Variants in TNRC6B observed in about 807,000 individuals in gnomAD.
TNRC6B encodes the protein trinucleotide repeat containing adaptor 6B.
In TNRC6B, 52 loss-of-function variants were observed where a neutral mutation model predicts 203.6. That is an observed-to-expected ratio of 0.26 (90% CI 0.20 to 0.32). The LOEUF is 0.32. Ranked by LOEUF, TNRC6B falls within the 10% of genes least tolerant of loss-of-function variation. TNRC6B has a pLI of 1.00. For synonymous variants in TNRC6B, 838 were observed against 845.7 expected (o/e 0.99, Z 0.16); for missense variants, 1,923 against 2,286.2 (o/e 0.84, Z 3.24).
At chr22:40,117,523 C>T (rs1174897746) in intron 2 of TNRC6B, among the ~76,000 whole-genome samples, 1 of 152,182 alleles carries the variant, frequency 6.6e-6, no homozygotes, top group Non-Finnish European at 1.5e-5. Context: ...CTCATGGCAT[C>T]CAGTTGCTGC....
At chr22:40,245,869 C>T in intron 1 of TNRC6B, 146 bp from the exon 2 acceptor site, 1 of 452,836 alleles carries the variant, frequency 2.2e-6, no homozygotes, top group Non-Finnish European at 3.9e-6. Context: ...TTTTATGGAT[C>T]CTTTTGATTT....
intron 2 of TNRC6B, among the ~76,000 whole-genome samples, chr22:40,123,586 G>T (rs959098337): frequency 3.3e-5 from 5 of 152,210 alleles, no homozygotes; most frequent in African/African-American, 9.6e-5. Flanking sequence ...GTCCCCTGGG[G>T]CACACAGTTA....
At chr22:40,248,361 A>G (rs569827823) in intron 2 of TNRC6B, among the ~76,000 whole-genome samples, 2 of 152,324 alleles carry the variant, frequency 1.3e-5, no homozygotes, top group East Asian at 3.8e-4. Flanking sequence ...CAAAAATCGG[A>G]TTTTGCAGTC....
At chr22:40,298,185 T>C (rs1162523778) in intron 12 of TNRC6B, among the ~76,000 whole-genome samples, 4 of 151,042 alleles carry the variant, frequency 2.6e-5, no homozygotes, top group Non-Finnish European at 5.9e-5. Flanking sequence ...CCCAGCTACA[T>C]GGGTTAAATA....
At position 40,322,963 on chromosome 22, in the gene TNRC6B, C is replaced by T. The variant is rs1201962510; in HGVS notation, c.5224C>T (p.Pro1742Ser). Reference protein sequence around the residue: ...PPTPAATPSAPAAGWQSLETG... With the variant: ...PPTPAATPSASAAGWQSLETG... The stretch of plus-strand genomic sequence containing the variant: ...TACACCTGCAGCAACCCCAAGTGCG[C>T]CAGCTGCGGGGTGGCAGTCGCTGGA... Residue 1742 changes from proline (P) to serine (S), a missense_variant, in exon 23 of 23, where the codon CCA becomes TCA. Coordinates refer to ENST00000454349, the MANE Select transcript of TNRC6B (RefSeq NM_001162501.2). The T allele has an allele frequency of 1.9e-6, 3 of 1,612,862 alleles. No homozygotes were observed. Among genetic ancestry groups the T allele is most frequent in the Admixed American group, 1.7e-5 (1 of 59,762 alleles).
At chr22:40,128,901 C>T (rs879478927) in intron 3 of TNRC6B, among the ~76,000 whole-genome samples, 7 of 151,920 alleles carry the variant, frequency 4.6e-5, no homozygotes, top group African/African-American at 1.5e-4. Flanking sequence ...ACTCTCAAGG[C>T]GGTTTCATTT....
intron 1 of TNRC6B, among the ~76,000 whole-genome samples, chr22:40,091,234 C>T (rs2068148503): frequency 6.6e-6 from 1 of 152,078 alleles, no homozygotes. Context: ...CCGCCCGCCT[C>T]AGCCTCCCAA....
At chr22:40,054,383 T>A (rs2146265523) in intron 1 of TNRC6B, among the ~76,000 whole-genome samples, 1 of 152,206 alleles carries the variant, frequency 6.6e-6, no homozygotes, top group Middle Eastern at 3.4e-3. Flanking sequence ...CCTCTTCAAG[T>A]TCCGGAAATG....
At chr22:40,187,719 T>C (rs1802042064) in intron 1 of TNRC6B, among the ~76,000 whole-genome samples, 1 of 152,182 alleles carries the variant, frequency 6.6e-6, no homozygotes, top group Non-Finnish European at 1.5e-5. Context: ...ACTTTTCTTA[T>C]CTCACTTTTC....
chr22:40,156,622 C>T (rs2068820554), intron 4 of TNRC6B, among the ~76,000 whole-genome samples: 2 of 152,102 alleles, frequency 1.3e-5, no homozygotes, highest in South Asian at 4.1e-4. Flanking sequence ...GTTATTTACA[C>T]TGCTGATCTT....
upstream of TNRC6B, among the ~76,000 whole-genome samples, chr22:40,173,793 A>ATTTTT (rs1160322782): frequency 4.6e-5 from 3 of 64,862 alleles, no homozygotes; most frequent in Admixed American, 2.6e-4. Context: ...ATATATATAT[A>ATTTTT]TTTTTTTTTT....
At chr22:40,245,221 G>T (rs1292701598) in intron 1 of TNRC6B, among the ~76,000 whole-genome samples, 2 of 151,980 alleles carry the variant, frequency 1.3e-5, no homozygotes, top group African/African-American at 2.4e-5. Flanking sequence ...CTCCCGAGTA[G>T]CTGGGACTAC....
intron 20 of TNRC6B, 64 bp from the exon 21 acceptor site, chr22:40,315,878 C>G: frequency 8.0e-7 from 1 of 1,242,554 alleles, no homozygotes; most frequent in Non-Finnish European, 1.2e-6. Context: ...AAATCTTTCT[C>G]CCTCATGGCT....
chr22:40,129,717 A>C (rs2068524627), intron 3 of TNRC6B, among the ~76,000 whole-genome samples: 1 of 152,128 alleles, frequency 6.6e-6, no homozygotes, highest in Non-Finnish European at 1.5e-5. Flanking sequence ...TAGGGGTGCA[A>C]TTGTTTATAA....
intron 1 of TNRC6B, among the ~76,000 whole-genome samples, chr22:40,109,218 G>A (rs111294016): frequency 0.057 from 8,671 of 152,112 alleles, 788 homozygotes; most frequent in African/African-American, 0.19. Flanking sequence ...TGTCTTTGCT[G>A]TTGTGAATAG....
At position 40,326,246 on chromosome 22, in the gene TNRC6B, TTCTTTCCTGTTAA is replaced by T. The variant is rs1168647297; in HGVS notation, c.*3007_*3019del. On this transcript the variant is annotated 3_prime_UTR_variant, in exon 23 of 23. Transcript: ENST00000454349. ...TATCTTATCCTAGAGAGATGGCTGT[TTCTTTCCTGTTAA>T]TAAACTTTTACAAGTTCCTGAAACT... is the stretch of plus-strand genomic sequence containing the variant. 6.6e-6 allele frequency: 1 copy of T among 152,644 alleles called. No homozygotes were observed. The highest frequency in any genetic ancestry group is 1.9e-4 in the East Asian group (1 of 5,200). 9.5% of individuals were successfully genotyped at this position (152,644 alleles called of 1,614,324 possible). A position where few individuals can be genotyped will look rare whatever the true frequency, so the allele number is the denominator to read the frequency against.
At chr22:40,100,150 G>A (rs1015996147) in intron 1 of TNRC6B, among the ~76,000 whole-genome samples, 7 of 151,266 alleles carry the variant, frequency 4.6e-5, no homozygotes, top group African/African-American at 1.7e-4. Flanking sequence ...GTAGTGGTGT[G>A]ATCTTGGCTT....
At chr22:40,107,026 C>T in intron 1 of TNRC6B, 1 of 1,034,800 alleles carries the variant, frequency 9.7e-7, no homozygotes, top group South Asian at 1.3e-5. Context: ...ATTTCTGGCA[C>T]AGCAGGAACC....
chr22:40,100,992 ATT>A (rs58490105), intron 1 of TNRC6B, among the ~76,000 whole-genome samples: 45 of 146,210 alleles, frequency 3.1e-4, no homozygotes, highest in Admixed American at 4.8e-4. Flanking sequence ...TCTCTTCAGC[ATT>A]TTTTTTTTTT....
Sources: allele counts gnomAD v4.1 joint callset (sites outside exome capture counted in the v4.1 genomes callset), GRCh38; gene constraint gnomAD v4.1.1; transcripts MANE v1.5; gene names NCBI Gene and HGNC (gene_info 2026-07-23, HGNC 2026-07-21).